The following DIP2B variants were observed in gnomAD, a reference collection of about 807,000 sequenced individuals.
DIP2B encodes disco-interacting protein 2 homolog B.
In DIP2B, 76 loss-of-function variants were observed where a neutral mutation model predicts 198.0. That is an observed-to-expected ratio of 0.38 (90% confidence interval 0.32 to 0.46). The LOEUF (loss-of-function observed/expected upper bound fraction) is 0.46. Ranked by LOEUF, DIP2B falls within the 20% of genes least tolerant of loss-of-function variation. The pLI, the probability that DIP2B is intolerant of heterozygous loss-of-function variation, is 0.99. For synonymous variants in DIP2B, 701 were observed against 739.1 expected (o/e 0.95, Z 0.84); for missense variants, 1,559 against 1,978.4 (o/e 0.79, Z 4.02).
At chr12:50,636,928 T>G (rs988745271) in intron 2 of DIP2B, among the ~76,000 whole-genome samples, 1 of 152,130 alleles carries the variant, frequency 6.6e-6, no homozygotes, top group Non-Finnish European at 1.5e-5. Flanking sequence ...AGGTGGCCCC[T>G]TTTCCAGACT....
chr12:50,716,459 C>T (rs549681228), intron 23 of DIP2B, among the ~76,000 whole-genome samples: 89 of 152,098 alleles, frequency 5.9e-4, no homozygotes, highest in South Asian at 1.5e-3. Flanking sequence ...ACCTGGGAGA[C>T]GGAGCTTGCA....
intron 1 of DIP2B, among the ~76,000 whole-genome samples, chr12:50,530,418 G>A (rs1292421137): frequency 6.6e-6 from 1 of 152,156 alleles, no homozygotes; most frequent in South Asian, 2.1e-4. Flanking sequence ...GCATCATATA[G>A]CATCTTTGGG....
chr12:50,555,457 T>C (rs1958462234), intron 1 of DIP2B, among the ~76,000 whole-genome samples: 1 of 152,202 alleles, frequency 6.6e-6, no homozygotes, highest in African/African-American at 2.4e-5. Context: ...TTGTCGCTGC[T>C]ATCACTTTGG....
At chr12:50,542,173 G>A (rs1316494722) in intron 1 of DIP2B, among the ~76,000 whole-genome samples, 13 of 150,200 alleles carry the variant, frequency 8.7e-5, no homozygotes, top group South Asian at 6.3e-4. Context: ...GCGTGAACCC[G>A]GGAGGCAGAG....
chr12:50,641,771 T>G (rs1938260938), intron 3 of DIP2B, among the ~76,000 whole-genome samples: 1 of 152,098 alleles, frequency 6.6e-6, no homozygotes, highest in Non-Finnish European at 1.5e-5. Context: ...GACTGGTAGA[T>G]CCCTAGAGCA....
chr12:50,572,006 G>A (rs1455859305), intron 1 of DIP2B, among the ~76,000 whole-genome samples: 1 of 152,178 alleles, frequency 6.6e-6, no homozygotes, highest in African/African-American at 2.4e-5. Context: ...CTGTGTGACA[G>A]CATTGCCGAA....
At chr12:50,653,347 T>TTTTTTTTC (rs1938494739) in intron 3 of DIP2B, among the ~76,000 whole-genome samples, 1 of 39,274 alleles carries the variant, frequency 2.5e-5, no homozygotes, top group African/African-American at 1.8e-4. Context: ...TTTTCTTTTC[T>TTTTTTTTC]TTTTTTTTTT....
At chr12:50,524,754 G>A (rs977970868) in intron 1 of DIP2B, among the ~76,000 whole-genome samples, 1 of 152,108 alleles carries the variant, frequency 6.6e-6, no homozygotes, top group African/African-American at 2.4e-5. Context: ...AAAATTTATT[G>A]TTATTTTTTT....
intron 3 of DIP2B, among the ~76,000 whole-genome samples, chr12:50,643,851 A>G (rs1259483784): frequency 6.6e-6 from 1 of 152,160 alleles, no homozygotes; most frequent in Admixed American, 6.5e-5. Context: ...AGCTGACCTT[A>G]TATCTGTTTG....
At chr12:50,556,434 T>G (rs1313155795) in intron 1 of DIP2B, among the ~76,000 whole-genome samples, 2 of 152,218 alleles carry the variant, frequency 1.3e-5, no homozygotes, top group African/African-American at 2.4e-5. Context: ...TTGTAGTGTT[T>G]TGCCACTATG....
chr12:50,517,412 T>C (rs560192717), intron 1 of DIP2B, among the ~76,000 whole-genome samples: 26 of 152,220 alleles, frequency 1.7e-4, no homozygotes, highest in African/African-American at 6.0e-4. Flanking sequence ...TTGTTGTTTC[T>C]ACTTCCTGTT....
chr12:50,603,859 T>C (rs1398610776), intron 1 of DIP2B, among the ~76,000 whole-genome samples: 1 of 152,188 alleles, frequency 6.6e-6, no homozygotes, highest in Non-Finnish European at 1.5e-5. Flanking sequence ...TTATTCACCT[T>C]AGGTGATTAA....
chr12:50,719,141 A>G, intron 25 of DIP2B, 106 bp downstream of exon 25: 1 of 1,231,568 alleles, frequency 8.1e-7, no homozygotes, highest in Non-Finnish European at 1.1e-6. Context: ...CCATCTCTGA[A>G]GAAGGAGTTA....
chr12:50,604,679 A>G (rs1218352352), intron 1 of DIP2B, among the ~76,000 whole-genome samples: 1 of 152,180 alleles, frequency 6.6e-6, no homozygotes, highest in Non-Finnish European at 1.5e-5. Context: ...GCTGGGCTCT[A>G]GCCATCCTTC....
intron 12 of DIP2B, 40 bp downstream of exon 12, chr12:50,686,722 T>C (rs1389466282): frequency 1.3e-6 from 2 of 1,578,076 alleles, no homozygotes; most frequent in African/African-American, 1.3e-5. Context: ...AGGCTTTTCC[T>C]TGGGCTTTGC....
chr12:50,514,687 C>T (rs921830031), intron 1 of DIP2B, among the ~76,000 whole-genome samples: 17 of 152,112 alleles, frequency 1.1e-4, no homozygotes, highest in Non-Finnish European at 1.5e-4. Flanking sequence ...GTTTTTGAAA[C>T]AGGGTCTCAC....
Position 50,695,364 on chromosome 12 carries a change from GT to G in DIP2B, c.1813+5del. ...CAAAGAGTACATGCTCACAAAGGTAGTCACCTGCAACATCTGAGCTTTAATT... is the reference window on the plus strand; with the variant it reads ...CAAAGAGTACATGCTCACAAAGGTAGCACCTGCAACATCTGAGCTTTAATT... On this transcript the variant is annotated splice_donor_5th_base_variant and intron_variant, in intron 15 of 37. Transcript: ENST00000301180. The G allele has an allele frequency of 6.2e-7, 1 of 1,609,496 alleles. No individual in the cohort carries two copies. The highest frequency in any genetic ancestry group is 1.1e-5 in the South Asian group (1 of 90,706).
At chr12:50,512,853 A>G (rs1456587427) in intron 1 of DIP2B, among the ~76,000 whole-genome samples, 1 of 152,142 alleles carries the variant, frequency 6.6e-6, no homozygotes, top group Admixed American at 6.5e-5. Context: ...TAAAATACAA[A>G]AAAATTAGCC....
chr12:50,671,308 A>T lies in DIP2B; in HGVS notation c.550A>T (p.Thr184Ser). ...WINRSIQGSSTSSSASSTLSH... is the reference protein window; with the variant it reads ...WINRSIQGSSSSSSASSTLSH... ...CAACCGTTCAATTCAGGGATCGTCC[A>T]CTTCTTCATCCGCATCTTCTACGCT... is the stretch of plus-strand genomic sequence containing the variant. The change falls in exon 5 of 38, where the codon ACT (threonine) becomes TCT (serine). Residue 184 changes from threonine to serine, a missense_variant. Transcript: ENST00000301180. The T allele has an allele frequency of 6.2e-7, 1 of 1,614,190 alleles. No homozygotes were observed. Among genetic ancestry groups the T allele is most frequent in the Non-Finnish European group, 8.5e-7 (1 of 1,180,022 alleles).
Sources: allele counts gnomAD v4.1 joint callset (sites outside exome capture counted in the v4.1 genomes callset), GRCh38; gene constraint gnomAD v4.1.1; transcripts MANE v1.5; gene names NCBI Gene and HGNC (gene_info 2026-07-23, HGNC 2026-07-21).